ERAP1: variants seen among roughly 807,000 people sequenced by gnomAD.
ERAP1 encodes endoplasmic reticulum aminopeptidase 1.
In ERAP1, 86 loss-of-function variants were observed where a neutral mutation model predicts 103.7. The ratio of observed to expected loss-of-function variants is 0.83; its 90% CI spans 0.70 to 0.99. ERAP1 has a LOEUF of 0.99. Among genes scored for constraint, ERAP1 ranks in the 50% least tolerant of loss-of-function variants. The pLI is 0.00. For missense variants in ERAP1, 1,009 were observed against 1,128.4 expected (o/e 0.89, Z 1.52); for synonymous variants, 398 against 402.4 (o/e 0.99, Z 0.13).
the ERAP1 span, among the ~76,000 whole-genome samples, chr5:96,861,207 T>G: frequency 3.3e-5 from 5 of 152,352 alleles, no homozygotes; most frequent in East Asian, 9.6e-4. Flanking sequence ...GCCTCTGATC[T>G]GCTGGTCTTA....
chr5:96,915,043 C>T, the ERAP1 span, among the ~76,000 whole-genome samples: 2 of 151,712 alleles, frequency 1.3e-5, no homozygotes, highest in Admixed American at 6.6e-5. Context: ...GTTTCATTCT[C>T]GTTGCCCAGG....
the ERAP1 span, among the ~76,000 whole-genome samples, chr5:96,899,657 C>G: frequency 2.0e-5 from 3 of 152,204 alleles, no homozygotes; most frequent in African/African-American, 7.2e-5. Flanking sequence ...GTGATAGCCA[C>G]TGTAGGAATA....
At chr5:96,883,643 C>A in the ERAP1 span, 1 of 777,508 alleles carries the variant, frequency 1.3e-6, no homozygotes, top group Non-Finnish European at 2.0e-6. Context: ...TCATTTTCCT[C>A]AAAGAGACAG....
Position 96,788,535 on chromosome 5 carries a change from T to C in ERAP1, c.1675A>G (p.Thr559Ala), listed in dbSNP as rs767097419. The change falls in exon 11 of 19, where the codon ACT becomes GCT. Residue 559 changes from threonine to alanine, a missense_variant. Coordinates refer to ENST00000443439, the MANE Select transcript of ERAP1 (RefSeq NM_001040458.3). ...YMKGSDGAPD[T>A]GYLWHVPLTF... ...ATTTTACTCTAGGAGCATTACCCAG[T>C]GTCCGGGGCGCCGTCAGAGCCCTTC... 1.2e-6 allele frequency: 2 copies of C among 1,614,172 alleles called. No homozygotes were observed. Among genetic ancestry groups the C allele is most frequent in the Non-Finnish European group, 8.5e-7 (1 of 1,180,036 alleles).
intron 17 of ERAP1, 110 bp from the exon 18 acceptor site, chr5:96,780,614 A>G: frequency 1.2e-6 from 1 of 820,446 alleles, no homozygotes; most frequent in Non-Finnish European, 2.1e-6. Context: ...ATCGGTGTGA[A>G]AAATACAAAA....
chr5:96,902,411 C>A, the ERAP1 span: 2 of 1,070,682 alleles, frequency 1.9e-6, no homozygotes, highest in Non-Finnish European at 2.9e-6. Flanking sequence ...ATGTGTTGAG[C>A]TATTTGAAGG....
the ERAP1 span, among the ~76,000 whole-genome samples, chr5:96,885,900 C>A: frequency 6.6e-6 from 1 of 152,208 alleles, no homozygotes; most frequent in African/African-American, 2.4e-5. Flanking sequence ...AGACTGCAGG[C>A]TGAAAAGTTT....
intron 10 of ERAP1, among the ~76,000 whole-genome samples, chr5:96,789,104 G>A (rs11746534): frequency 0.092 from 13,950 of 152,256 alleles, 846 homozygotes; most frequent in Middle Eastern, 0.16. Flanking sequence ...TCTAAAGTGA[G>A]AACACAGAGA....
chr5:96,911,615 G>A, the ERAP1 span, among the ~76,000 whole-genome samples: 6 of 152,112 alleles, frequency 3.9e-5, no homozygotes, highest in East Asian at 1.9e-4. Context: ...GCCAAGTGCC[G>A]TAGCTCATGC....
chr5:96,793,348 T>A, intron 7 of ERAP1, 52 bp downstream of exon 7: 1 of 1,256,100 alleles, frequency 8.0e-7, no homozygotes, highest in Non-Finnish European at 1.2e-6. Flanking sequence ...TCCAGCAATA[T>A]TGAACAAAAC....
chr5:96,900,103 T>A, the ERAP1 span: 1 of 1,613,710 alleles, frequency 6.2e-7, no homozygotes, highest in African/African-American at 1.3e-5. Context: ...GCAGTGCTCT[T>A]TTGTTCTTGT....
At chr5:96,880,381 C>T in the ERAP1 span, 8 of 889,754 alleles carry the variant, frequency 9.0e-6, no homozygotes, top group Non-Finnish European at 1.4e-5. Flanking sequence ...ATGGGGAACC[C>T]AGAAGAAGGA....
chr5:96,848,236 A>G, the ERAP1 span, among the ~76,000 whole-genome samples: 1 of 152,118 alleles, frequency 6.6e-6, no homozygotes, highest in Non-Finnish European at 1.5e-5. Flanking sequence ...TTTTTAGTAG[A>G]GATGGGATTT....
chr5:96,840,706 T>G, the ERAP1 span, among the ~76,000 whole-genome samples: 6 of 91,728 alleles, frequency 6.5e-5, no homozygotes, highest in African/African-American at 1.5e-4. Context: ...TTTTTTTTCT[T>G]TTTTTCTTTT....
rs554157652 is a variant in ERAP1 at position 96,775,775 on chromosome 5, G to A, written c.*621C>T. 54 of 231,794 alleles carry A rather than the reference G, an allele frequency of 2.3e-4. No homozygotes were observed. The highest frequency in any genetic ancestry group is 8.8e-4 in the African/African-American group (38 of 43,040). 14.4% of individuals were successfully genotyped at this position (231,794 alleles called of 1,614,324 possible). A position where few individuals can be genotyped will look rare whatever the true frequency, so the allele number is the denominator to read the frequency against. ...AGGGGAGGCCAGCCCGAGGCATCCC[G>A]CAAGGGAATCAGGGAAGAACACCTC... On this transcript the variant is annotated 3_prime_UTR_variant, in exon 19 of 19. Coordinates refer to ENST00000443439, the MANE Select transcript of ERAP1 (RefSeq NM_001040458.3).
chr5:96,856,452 G>C, the ERAP1 span, among the ~76,000 whole-genome samples: 10 of 142,106 alleles, frequency 7.0e-5, no homozygotes, highest in African/African-American at 2.1e-4. Flanking sequence ...TGAGATATAA[G>C]TATGTTTTAG....
upstream of ERAP1, among the ~76,000 whole-genome samples, chr5:96,810,300 G>A (rs1171773572): frequency 6.6e-6 from 1 of 152,316 alleles, no homozygotes; most frequent in East Asian, 1.9e-4. Context: ...GATCAAAACA[G>A]CACATTACCG....
chr5:96,922,055 T>C, the ERAP1 span, among the ~76,000 whole-genome samples: 3 of 152,262 alleles, frequency 2.0e-5, no homozygotes, highest in African/African-American at 7.2e-5. Context: ...TCCCAGCACT[T>C]TGGGAGGCCG....
the ERAP1 span, among the ~76,000 whole-genome samples, chr5:96,912,188 C>CAAAAAAA: frequency 1.2e-5 from 1 of 84,236 alleles, no homozygotes; most frequent in African/African-American, 4.7e-5. Context: ...GACTCCACCT[C>CAAAAAAA]AAAAAAAAAA....
Sources: gnomAD v4.1 joint callset for allele counts (sites outside exome capture counted in the v4.1 genomes callset) on GRCh38, gnomAD v4.1.1 for gene constraint, MANE v1.5 for transcripts, NCBI Gene and HGNC (gene_info 2026-07-23, HGNC 2026-07-21) for gene names.